Variants in WDR90 observed in about 807,000 individuals in gnomAD.
WDR90 encodes the protein WD repeat-containing protein 90.
A neutral mutation model predicts 195.2 loss-of-function variants in WDR90; 238 were observed. That is an observed-to-expected ratio of 1.22 (90% CI 1.10 to 1.36). WDR90 has a LOEUF of 1.36. Among genes scored for constraint, WDR90 ranks in the 40% most tolerant of loss-of-function variants. The pLI is 0.00. For synonymous variants in WDR90, 1,265 were observed against 1,052.4 expected, an observed-to-expected ratio of 1.20 and a Z score of -3.91; for missense variants, 2,734 against 2,439.5, an observed-to-expected ratio of 1.12 and a Z score of -2.54.
chr16:657,628 G>A, intron 20 of WDR90, 134 bp from the exon 21 acceptor site: 1 of 1,302,358 alleles, frequency 7.7e-7, no homozygotes, highest in East Asian at 2.7e-5. Flanking sequence ...GCAATCCTCT[G>A]CCGGTGTGAT....
intron 34 of WDR90, chr16:665,450 C>A: frequency 1.6e-6 from 1 of 635,148 alleles, no homozygotes; most frequent in Non-Finnish European, 2.7e-6. Context: ...GGTATCCCGC[C>A]GGGTTTGACT....
chr16:655,722 C>G lies in WDR90; in HGVS notation c.1849+19C>G, dbSNP rs1012907222. ...AGCTCAGGTAAGAGGGCGCCCACCACGTGGCCAGGGTGGCAGGGACACCGA... is the reference window on the plus strand; with the variant it reads ...AGCTCAGGTAAGAGGGCGCCCACCAGGTGGCCAGGGTGGCAGGGACACCGA... On this transcript the variant is annotated intron_variant, in intron 16 of 40. Coordinates refer to ENST00000293879, the MANE Select transcript of WDR90 (RefSeq NM_145294.5). 1 of 1,582,414 alleles carries G rather than the reference C, an allele frequency of 6.3e-7. No individual in the cohort carries two copies. Among genetic ancestry groups the G allele is most frequent in the African/African-American group, 1.3e-5 (1 of 74,358 alleles).
rs2151189856 is a variant in WDR90 at position 653,470 on chromosome 16, T to C, written c.1233+19T>C. The C allele has an allele frequency of 6.2e-7, 1 of 1,612,364 alleles. No homozygotes were observed. Among genetic ancestry groups the C allele is most frequent in the South Asian group, 1.1e-5 (1 of 91,060 alleles). On this transcript the variant is annotated intron_variant, in intron 11 of 40. Coordinates refer to ENST00000293879, the MANE Select transcript of WDR90 (RefSeq NM_145294.5). The stretch of plus-strand genomic sequence containing the variant: ...AGACAAGGTGGGTGCTGCCCGGGCC[T>C]GGGGCAGCTCACACCTGCAGCCCCT...
chr16:661,967 T>C lies in WDR90; in HGVS notation c.3941T>C (p.Leu1314Pro), dbSNP rs1223497488. The C allele has an allele frequency of 6.2e-7, 1 of 1,606,708 alleles. No homozygotes were observed. The highest frequency in any genetic ancestry group is 1.1e-5 in the South Asian group (1 of 91,074). ...CTCTGCTACGGGGCACCTCCCCTGC[T>C]CTATTGTGGCACCAGCTCTGGCCAG... is the stretch of plus-strand genomic sequence containing the variant. ...TSLCYGAPPLLYCGTSSGQVC... is the reference protein window; with the variant it reads ...TSLCYGAPPLPYCGTSSGQVC... The change falls in exon 32 of 41, where the codon CTC (leucine) becomes CCC (proline). Residue 1314 changes from leucine to proline, a missense_variant. Coordinates refer to ENST00000293879, the MANE Select transcript of WDR90 (RefSeq NM_145294.5).
intron 33 of WDR90, 39 bp from the exon 34 acceptor site, chr16:662,640 G>T: frequency 6.6e-7 from 1 of 1,517,820 alleles, no homozygotes; most frequent in South Asian, 1.3e-5. Flanking sequence ...TCGGCCTTGA[G>T]ACCCATTGTT....
rs780222651 is a variant in WDR90 at position 657,825 on chromosome 16, G to T, written c.2537G>T (p.Arg846Leu). 4.4e-6 allele frequency: 7 copies of T among 1,573,586 alleles called. No homozygotes were observed. The highest frequency in any genetic ancestry group is 6.0e-6 in the Non-Finnish European group (7 of 1,160,006). Residue 846 changes from arginine (R) to leucine (L), a missense_variant, in exon 21 of 41, where the codon CGC becomes CTC. Transcript: ENST00000293879. ...PSALAVSRDG[R>L]LLAFVGPSRC... ...GCCCTGGCAGTCAGCAGGGATGGCC[G>T]CCTGCTGGCCTTTGTGGGACCCTCC...
intron 1 of WDR90, 73 bp from the exon 2 acceptor site, chr16:649,690 G>T: frequency 7.1e-7 from 1 of 1,411,650 alleles, no homozygotes; most frequent in Non-Finnish European, 9.4e-7. Context: ...GGTCCCCGAG[G>T]CCCGGCCCAG....
At chr16:657,261 C>A in intron 20 of WDR90, 40 bp downstream of exon 20, 1 of 1,498,996 alleles carries the variant, frequency 6.7e-7, no homozygotes, top group Non-Finnish European at 8.9e-7. Context: ...CTCCTCAGGG[C>A]GGGGGAGGCC....
In WDR90 at chr16:660,627, C is replaced by T. The variant is rs1050674649; in HGVS notation, c.3304C>T (p.Pro1102Ser). 4.1e-5 allele frequency: 64 copies of T among 1,570,840 alleles called. No individual in the cohort carries two copies. The highest frequency in any genetic ancestry group is 5.5e-5 in the Non-Finnish European group (64 of 1,158,978). ...PHSAKGTCPP[P>S]ASGGWLRLKA... is the part of the protein sequence containing the mutation. The stretch of plus-strand genomic sequence containing the variant: ...TTCCTCGCAGGGCACTTGCCCGCCT[C>T]CCGCCAGCGGTGGGTGGCTGCGTCT... Residue 1102 changes from proline (P) to serine (S), a missense_variant, in exon 28 of 41, where the codon CCC (proline) becomes TCC (serine). By Grantham distance (74) the Pro-to-Ser change is moderately conservative. Transcript: ENST00000293879.
rs1298587348 is a variant in WDR90 at position 651,693 on chromosome 16, C to A, written c.786C>A (p.Ser262Arg). The A allele has an allele frequency of 1.2e-6, 2 of 1,612,940 alleles. No homozygotes were observed. Among genetic ancestry groups the A allele is most frequent in the Admixed American group, 3.3e-5 (2 of 60,008 alleles). The change falls in exon 8 of 41, where the codon AGC (serine) becomes AGA (arginine). Residue 262 changes from serine (S) to arginine (R), a missense_variant. Transcript: ENST00000293879. ...PQPLPCPVAS[S>R]KPVRFSVSPV... ...CTCTCCCTTGCCCGGTGGCCTCCAG[C>A]AAACCTGTGCGGTTCAGTGTGTCTC...
chr16:649,442 CG>C lies in WDR90; in HGVS notation c.10+21del. 2 of 1,296,818 alleles carry C rather than the reference CG, an allele frequency of 1.5e-6. No individual in the cohort carries two copies. The highest frequency in any genetic ancestry group is 9.8e-7 in the Non-Finnish European group (1 of 1,025,340). The allele number at this position is 1,296,818 out of a possible 1,614,324, so 80.3% of individuals were successfully genotyped here. A position where few individuals can be genotyped will look rare whatever the true frequency, so the allele number is the denominator to read the frequency against. Reference sequence around the variant, plus strand: ...ATGGCCCGAGGTAGCGCGCGGCTGGCGGGGGTCCCGAGGATCCCGGGTTCCG... The same window carrying C: ...ATGGCCCGAGGTAGCGCGCGGCTGGCGGGGTCCCGAGGATCCCGGGTTCCG... On this transcript the variant is annotated intron_variant, in intron 1 of 40. Coordinates refer to ENST00000293879, the MANE Select transcript of WDR90 (RefSeq NM_145294.5).
intron 34 of WDR90, chr16:663,527 T>G (rs991617446): frequency 5.4e-6 from 1 of 185,636 alleles, no homozygotes; most frequent in African/African-American, 2.4e-5. Flanking sequence ...GATTGTTCTC[T>G]GAGGCTCAAG....
intron 19 of WDR90, 61 bp downstream of exon 19, chr16:656,932 G>T: frequency 1.9e-6 from 3 of 1,580,258 alleles, no homozygotes; most frequent in East Asian, 2.3e-5. Context: ...GGGGTGGCCA[G>T]GTGGGGGTCA....
Position 655,714 on chromosome 16 carries a change from G to A in WDR90, c.1849+11G>A, listed in dbSNP as rs368976518. ...AGACCTTCAGCTCAGGTAAGAGGGC[G>A]CCCACCACGTGGCCAGGGTGGCAGG... is the stretch of plus-strand genomic sequence containing the variant. On this transcript the variant is annotated intron_variant, in intron 16 of 40. Transcript: ENST00000293879. The A allele has an allele frequency of 8.2e-6, 13 of 1,584,198 alleles. No homozygotes were observed. Among genetic ancestry groups the A allele is most frequent in the Middle Eastern group, 3.3e-4 (2 of 6,004 alleles).
rs2037879664 is a variant in WDR90 at position 660,766 on chromosome 16, G to T, written c.3391+52G>T. 3 of 1,512,082 alleles carry T rather than the reference G, an allele frequency of 2.0e-6. No individual in the cohort carries two copies. The Admixed American group carries it at 6.1e-5, about 31-fold the overall frequency. The allele number at this position is 1,512,082 out of a possible 1,614,324, so 93.7% of individuals were successfully genotyped here. ...CCCAGCCAAGATGCGGCCGCGCGTGGTCCAGCCGTCTCCACCCCAAGGCCA... is the reference window on the plus strand; with the variant it reads ...CCCAGCCAAGATGCGGCCGCGCGTGTTCCAGCCGTCTCCACCCCAAGGCCA... On this transcript the variant is annotated intron_variant, in intron 28 of 40. Coordinates refer to ENST00000293879, the MANE Select transcript of WDR90 (RefSeq NM_145294.5).
rs772735354 is a variant in WDR90, at chr16:666,060, G to A, written c.4545G>A (p.Thr1515=). 1.2e-5 allele frequency: 20 copies of A among 1,607,904 alleles called. No homozygotes were observed. Among genetic ancestry groups the A allele is most frequent in the South Asian group, 3.3e-5 (3 of 91,076 alleles). The change falls in exon 36 of 41, where the codon ACG becomes ACA. Residue 1515 remains threonine, a synonymous_variant. Coordinates refer to ENST00000293879, the MANE Select transcript of WDR90 (RefSeq NM_145294.5). ...GSLRIFSVSR[T]AMELKMHPHP... is the part of the protein sequence containing the mutation. ...TGCGCATCTTCAGCGTCTCCCGCAC[G>A]GCCATGGAGCTCAAGATGCACCCCC... is the stretch of plus-strand genomic sequence containing the variant.
chr16:661,367 G>A lies in WDR90; in HGVS notation c.3539G>A (p.Ser1180Asn). 6.2e-7 allele frequency: 1 copy of A among 1,608,784 alleles called. No individual in the cohort carries two copies. The highest frequency in any genetic ancestry group is 8.5e-7 in the Non-Finnish European group (1 of 1,179,024). Residue 1180 changes from serine to asparagine, a missense_variant, in exon 30 of 41, where the codon AGC becomes AAC. Coordinates refer to ENST00000293879, the MANE Select transcript of WDR90 (RefSeq NM_145294.5). ...AQVLASASGRSSTTAHCQIRV... is the reference protein window; with the variant it reads ...AQVLASASGRNSTTAHCQIRV... ...GTCCTGGCCTCTGCCTCGGGCCGAA[G>A]CAGCACGACCGCCCATTGTCAGATC...
chr16:656,726 C>T lies in WDR90; in HGVS notation c.2203-6C>T, dbSNP rs1375035004. On this transcript the variant is annotated splice_polypyrimidine_tract_variant and splice_region_variant and intron_variant, in intron 18 of 40. Transcript: ENST00000293879. ...CCCTCCCCTCAGCACGGCCCCTGTC[C>T]CACAGCTATACGACTTCACATCATC... The T allele has an allele frequency of 9.9e-6, 16 of 1,611,408 alleles. No homozygotes were observed. The highest frequency in any genetic ancestry group is 1.3e-5 in the Non-Finnish European group (15 of 1,178,924).
Position 662,229 on chromosome 16 carries a change from T to C in WDR90, c.4043T>C (p.Leu1348Pro), listed in dbSNP as rs1196701451. The part of the protein sequence containing the change: ...EADDGGIGLL[L>P]FSGSRLVSGS... ...CTCCTCCTGCCCCTAGGGCTGTTGC[T>C]GTTCTCGGGTTCTCGATTGGTCAGC... The change falls in exon 33 of 41, where the codon CTG (leucine) becomes CCG (proline). Residue 1348 changes from leucine to proline, a missense_variant. Physicochemically the swap from Leu to Pro is moderately conservative, Grantham distance 98 (BLOSUM62 -3). Coordinates refer to ENST00000293879, the MANE Select transcript of WDR90 (RefSeq NM_145294.5). The C allele has an allele frequency of 6.4e-7, 1 of 1,570,696 alleles. No individual in the cohort carries two copies. Among genetic ancestry groups the C allele is most frequent in the Admixed American group, 1.9e-5 (1 of 53,784 alleles).
Sources: gnomAD v4.1 joint callset for allele counts on GRCh38, gnomAD v4.1.1 for gene constraint, MANE v1.5 for transcripts, NCBI Gene and HGNC (gene_info 2026-07-23, HGNC 2026-07-21) for gene names.